The following CUZD1 variants were observed in gnomAD, a reference collection of about 807,000 sequenced individuals.
The protein encoded by CUZD1 is CUB and zona pellucida like domains 1.
CUZD1 carries 42 observed loss-of-function variants against 53.1 expected under a neutral mutation model. The ratio of observed to expected loss-of-function variants is 0.79; its 90% CI spans 0.62 to 1.02. The LOEUF is 1.02. CUZD1 is among the 50% of genes least tolerant of loss of function. CUZD1 has a pLI of 0.00. For missense variants in CUZD1, 670 were observed against 715.7 expected, an observed-to-expected ratio of 0.94 and a Z score of 0.73; for synonymous variants, 238 against 257.2, an observed-to-expected ratio of 0.93 and a Z score of 0.71.
In CUZD1 at chr10:122,833,818, A is replaced by G. The variant is rs1428329393; in HGVS notation, c.1505T>C (p.Ile502Thr). Residue 502 changes from isoleucine to threonine, a missense_variant, in exon 8 of 9, where the codon ATA becomes ACA. Ile to Thr is a moderately conservative substitution (Grantham distance 89, BLOSUM62 -1). Coordinates refer to ENST00000392790, the MANE Select transcript of CUZD1 (RefSeq NM_022034.6). ...SSVYLQCKVLICDSSDHQSRC... is the reference protein window; with the variant it reads ...SSVYLQCKVLTCDSSDHQSRC... ...AGACTGGTGGTCACTGCTATCACAT[A>G]TCAAAACTTTACACTGCAGATACAC... The G allele has an allele frequency of 3.7e-6, 6 of 1,614,118 alleles. No individual in the cohort carries two copies. In the South Asian group the frequency reaches 4.4e-5, roughly 12 times the overall value.
At chr10:122,841,458 T>C (rs1847345250) in intron 1 of CUZD1, 130 bp from the exon 2 acceptor site, 1 of 838,798 alleles carries the variant, frequency 1.2e-6, no homozygotes, top group East Asian at 2.8e-5. Flanking sequence ...TACTTAGCTT[T>C]CTCCAAAGTA....
intron 1 of CUZD1, among the ~76,000 whole-genome samples, chr10:122,841,911 T>C (rs1847350790): frequency 6.6e-6 from 1 of 152,256 alleles, no homozygotes; most frequent in African/African-American, 2.4e-5. Context: ...TTGCCTTCTA[T>C]ATATCCTTTT....
In CUZD1 at chr10:122,832,252, G is replaced by A; in HGVS notation, c.*26C>T. The A allele has an allele frequency of 6.2e-7, 1 of 1,607,486 alleles. No individual in the cohort carries two copies. Among genetic ancestry groups the A allele is most frequent in the Non-Finnish European group, 8.5e-7 (1 of 1,175,078 alleles). On this transcript the variant is annotated 3_prime_UTR_variant, in exon 9 of 9. Coordinates refer to ENST00000392790, the MANE Select transcript of CUZD1 (RefSeq NM_022034.6). ...TTCCTTTGGCATCCTGGAGAAACAT[G>A]TCTCACTTAGGGTTGGACCTGTTAG...
At chr10:122,832,852 T>C (rs1028835004) in intron 8 of CUZD1, among the ~76,000 whole-genome samples, 18 of 152,230 alleles carry the variant, frequency 1.2e-4, no homozygotes, top group Admixed American at 1.0e-3. Context: ...ATTGATGGTA[T>C]TTCCATAATG....
chr10:122,839,411 A>G (rs1847301845), intron 2 of CUZD1, among the ~76,000 whole-genome samples, 180 bp from the exon 3 acceptor site: 1 of 152,206 alleles, frequency 6.6e-6, no homozygotes, highest in African/African-American at 2.4e-5. Context: ...CAAACTGTCA[A>G]CTTTAATGGG....
intron 2 of CUZD1, 129 bp from the exon 3 acceptor site, chr10:122,839,360 C>G: frequency 1.4e-6 from 1 of 726,230 alleles, no homozygotes; most frequent in Non-Finnish European, 2.3e-6. Context: ...TAAACCTCTC[C>G]AAGACCAATC....
At chr10:122,842,635 T>C (rs1278643886) in intron 1 of CUZD1, among the ~76,000 whole-genome samples, 2 of 152,214 alleles carry the variant, frequency 1.3e-5, no homozygotes, top group African/African-American at 4.8e-5. Context: ...CATGTCTGTA[T>C]CTATTTAACA....
chr10:122,839,227 C>A lies in CUZD1; in HGVS notation c.238G>T (p.Asp80Tyr). The change falls in exon 3 of 9, where the codon GAT becomes TAT. Residue 80 changes from aspartate to tyrosine, a missense_variant. Asp to Tyr is a radical substitution (Grantham distance 160, BLOSUM62 -3). Transcript: ENST00000392790. ...IRIIFSYVQL[D>Y]PDGSCESENI... is the part of the protein sequence containing the mutation. The stretch of plus-strand genomic sequence containing the variant: ...TCACTTTCACAGCTTCCATCTGGAT[C>A]AAGCCTGTGGAAAAAACACAACTGT... 6.2e-7 allele frequency: 1 copy of A among 1,613,708 alleles called. No individual in the cohort carries two copies. Among genetic ancestry groups the A allele is most frequent in the Non-Finnish European group, 8.5e-7 (1 of 1,179,750 alleles).
chr10:122,845,675 TATAAACA>T (rs1847426407), intron 1 of CUZD1, 80 bp downstream of exon 1: 1 of 1,079,932 alleles, frequency 9.3e-7, no homozygotes, highest in African/African-American at 1.6e-5. Flanking sequence ...GGCCAACAGA[TATAAACA>T]CTTTGAAAAA....
chr10:122,838,275 C>T (rs41297169), intron 3 of CUZD1, among the ~76,000 whole-genome samples: 2,468 of 152,300 alleles, frequency 0.016, 20 homozygotes, highest in Non-Finnish European at 0.024. Flanking sequence ...CTGCTGCACT[C>T]TGGAGATCTG....
Position 122,836,282 on chromosome 10 carries a change from A to T in CUZD1, c.886T>A (p.Ser296Thr), listed in dbSNP as rs371549230. The T allele has an allele frequency of 6.2e-7, 1 of 1,612,102 alleles. No homozygotes were observed. The highest frequency in any genetic ancestry group is 1.1e-5 in the South Asian group (1 of 90,820). ...ISKSYLEAFN[S>T]NGNNLQLKDP... is the part of the protein sequence containing the mutation. The stretch of plus-strand genomic sequence containing the variant: ...TTTAGTTGCAAGTTATTCCCATTAG[A>T]GTTAAAAGCCTCTAGGTAGGATTTG... The change falls in exon 6 of 9, where the codon TCT becomes ACT. Residue 296 changes from serine to threonine, a missense_variant. Transcript: ENST00000392790.
At position 122,836,351 on chromosome 10, in the gene CUZD1, C is replaced by G. The variant is rs759955696; in HGVS notation, c.818-1G>C. On this transcript the variant is annotated splice_acceptor_variant, in intron 5 of 8. Coordinates refer to ENST00000392790, the MANE Select transcript of CUZD1 (RefSeq NM_022034.6). LOFTEE classifies it high-confidence loss of function. ...CTGTCAGAAGAGCAAGTTAAAGATG[C>G]TGTCAGGAAAAAAAAAAAAAAAAGA... is the stretch of plus-strand genomic sequence containing the variant. 4 of 1,384,000 alleles carry G rather than the reference C, an allele frequency of 2.9e-6. No homozygotes were observed. In the Admixed American group the frequency reaches 1.0e-4, roughly 36 times the overall value. 85.7% of individuals were successfully genotyped at this position (1,384,000 alleles called of 1,614,324 possible).
rs781754067 is a variant in CUZD1 at position 122,836,821 on chromosome 10, C to T, written c.817+10G>A. 4 of 1,597,756 alleles carry T rather than the reference C, an allele frequency of 2.5e-6. No individual in the cohort carries two copies. The South Asian group carries it at 3.3e-5, about 13-fold the overall frequency. On this transcript the variant is annotated intron_variant, in intron 5 of 8. Coordinates refer to ENST00000392790, the MANE Select transcript of CUZD1 (RefSeq NM_022034.6). ...GCTCAAAATAGCTAAGAATATAAAA[C>T]ATGACTTACTAGTGTTGATGTTTTC...
At chr10:122,838,579 C>A (rs975811705) in intron 3 of CUZD1, among the ~76,000 whole-genome samples, 1 of 152,162 alleles carries the variant, frequency 6.6e-6, no homozygotes, top group Non-Finnish European at 1.5e-5. Context: ...GGTTCAACAA[C>A]CCGAACCAAG....
chr10:122,834,609 A>G, intron 7 of CUZD1, 97 bp downstream of exon 7: 3 of 958,718 alleles, frequency 3.1e-6, no homozygotes, highest in Non-Finnish European at 4.4e-6. Context: ...TAGTGCTAGG[A>G]AAAATGTATA....
intron 1 of CUZD1, among the ~76,000 whole-genome samples, chr10:122,842,481 T>C (rs1280052117): frequency 6.6e-6 from 1 of 152,232 alleles, no homozygotes; most frequent in Non-Finnish European, 1.5e-5. Context: ...TCTCTGTCTA[T>C]CCTTTTGGCA....
intron 4 of CUZD1, 97 bp from the exon 5 acceptor site, chr10:122,837,145 T>G (rs1847267018): frequency 7.7e-6 from 8 of 1,043,324 alleles, no homozygotes; most frequent in Admixed American, 2.8e-5. Context: ...ATTATGGATT[T>G]TTTTTTTCCT....
chr10:122,842,805 C>A (rs1341697366), intron 1 of CUZD1, among the ~76,000 whole-genome samples: 1 of 151,972 alleles, frequency 6.6e-6, no homozygotes, highest in Non-Finnish European at 1.5e-5. Flanking sequence ...GACAAAGAAC[C>A]AGAATAGACA....
At chr10:122,833,074 T>C (rs1374659074) in intron 8 of CUZD1, among the ~76,000 whole-genome samples, 16 of 152,216 alleles carry the variant, frequency 1.1e-4, no homozygotes, top group Admixed American at 1.0e-3. Context: ...TTTAATGCCA[T>C]TTACAACTAA....
Sources: allele counts gnomAD v4.1 joint callset (sites outside exome capture counted in the v4.1 genomes callset), GRCh38; gene constraint gnomAD v4.1.1; transcripts MANE v1.5; gene names NCBI Gene and HGNC (gene_info 2026-07-23, HGNC 2026-07-21).